Variants in PDE10A observed in about 807,000 individuals in gnomAD.
The protein encoded by PDE10A is cAMP and cAMP-inhibited cGMP 3',5'-cyclic phosphodiesterase 10A.
A neutral mutation model predicts 97.7 loss-of-function variants in PDE10A; 39 were observed. That is an observed-to-expected ratio of 0.40 (90% CI 0.31 to 0.52). PDE10A has a LOEUF of 0.52. PDE10A is among the 20% of genes least tolerant of loss of function. PDE10A has a pLI of 0.56. For synonymous variants in PDE10A, 371 were observed against 376.8 expected, an observed-to-expected ratio of 0.98 and a Z score of 0.18; for missense variants, 731 against 1,047.8, an observed-to-expected ratio of 0.70 and a Z score of 4.17.
intron 15 of PDE10A, among the ~76,000 whole-genome samples, chr6:165,393,946 C>T (rs927575250): frequency 2.0e-5 from 3 of 152,154 alleles, no homozygotes; most frequent in Non-Finnish European, 4.4e-5. Flanking sequence ...AATCAAATTA[C>T]TGACAAAGTA....
At chr6:165,770,702 T>A (rs186311402) in intron 1 of PDE10A, among the ~76,000 whole-genome samples, 7 of 152,324 alleles carry the variant, frequency 4.6e-5, no homozygotes, top group South Asian at 2.1e-4. Context: ...CCTCATCATC[T>A]CTGCTCTAAA....
chr6:165,664,547 A>T (rs564276636), upstream of PDE10A, among the ~76,000 whole-genome samples: 2 of 152,302 alleles, frequency 1.3e-5, no homozygotes, highest in Non-Finnish European at 2.9e-5. Flanking sequence ...CATTTGTGGA[A>T]GAAGAAAATG....
intron 1 of PDE10A, among the ~76,000 whole-genome samples, chr6:165,901,910 C>T (rs1782122038): frequency 6.6e-6 from 1 of 152,170 alleles, no homozygotes; most frequent in Non-Finnish European, 1.5e-5. Context: ...CAGACATTAG[C>T]TGATCTGATA....
intron 1 of PDE10A, among the ~76,000 whole-genome samples, chr6:165,606,935 C>G (rs1478030641): frequency 6.6e-6 from 1 of 152,100 alleles, no homozygotes; most frequent in Non-Finnish European, 1.5e-5. Context: ...TGAATAGGTT[C>G]ACTCTGGCAA....
At chr6:165,933,750 A>G (rs543849227) in intron 1 of PDE10A, among the ~76,000 whole-genome samples, 1 of 152,298 alleles carries the variant, frequency 6.6e-6, no homozygotes, top group Non-Finnish European at 1.5e-5. Flanking sequence ...GTACAGGAAA[A>G]GAAATTTATA....
At chr6:165,404,724 A>G (rs1362396278) in intron 13 of PDE10A, among the ~76,000 whole-genome samples, 3 of 152,184 alleles carry the variant, frequency 2.0e-5, no homozygotes. Flanking sequence ...CCCTCTACAA[A>G]TTGAGCTAAT....
At chr6:165,362,998 G>C (rs1433627067) in intron 18 of PDE10A, among the ~76,000 whole-genome samples, 4 of 151,500 alleles carry the variant, frequency 2.6e-5, no homozygotes, top group Non-Finnish European at 5.9e-5. Flanking sequence ...TAAAGCATAT[G>C]ACAAAATCCA....
intron 18 of PDE10A, among the ~76,000 whole-genome samples, chr6:165,376,024 C>A (rs1784584811): frequency 6.6e-6 from 1 of 152,188 alleles, no homozygotes; most frequent in African/African-American, 2.4e-5. Flanking sequence ...CATTTTCAAG[C>A]CTGTTCACAC....
intron 1 of PDE10A, among the ~76,000 whole-genome samples, chr6:165,911,692 G>C (rs1051860832): frequency 6.6e-6 from 1 of 152,204 alleles, no homozygotes; most frequent in Admixed American, 6.5e-5. Flanking sequence ...GGTATGGATG[G>C]CTCACCAGGT....
At chr6:165,591,612 G>A (rs1786273597) in intron 1 of PDE10A, among the ~76,000 whole-genome samples, 1 of 152,216 alleles carries the variant, frequency 6.6e-6, no homozygotes, top group African/African-American at 2.4e-5. Context: ...AAAAGGCAAT[G>A]TCAAGTTCAC....
chr6:165,826,145 T>C (rs1174374080), intron 1 of PDE10A, among the ~76,000 whole-genome samples: 1 of 152,186 alleles, frequency 6.6e-6, no homozygotes, highest in Non-Finnish European at 1.5e-5. Flanking sequence ...GGGATTGTAT[T>C]TCTTGATCAC....
chr6:165,369,193 C>A (rs929711651), intron 18 of PDE10A, among the ~76,000 whole-genome samples: 1 of 152,178 alleles, frequency 6.6e-6, no homozygotes, highest in African/African-American at 2.4e-5. Context: ...CAAAGGAACA[C>A]AGTTCCTCAC....
chr6:165,904,166 A>G (rs1383318586), intron 1 of PDE10A, among the ~76,000 whole-genome samples: 1 of 152,180 alleles, frequency 6.6e-6, no homozygotes, highest in Non-Finnish European at 1.5e-5. Flanking sequence ...GGCCAAATAT[A>G]AAGGGAATAA....
intron 1 of PDE10A, among the ~76,000 whole-genome samples, chr6:165,955,534 T>A (rs1176979114): frequency 6.6e-6 from 1 of 152,226 alleles, no homozygotes; most frequent in Non-Finnish European, 1.5e-5. Flanking sequence ...ACCATTCTGC[T>A]GTTCCCATTA....
chr6:165,601,927 A>C (rs1469274781), intron 1 of PDE10A, among the ~76,000 whole-genome samples: 3 of 152,232 alleles, frequency 2.0e-5, no homozygotes, highest in African/African-American at 7.2e-5. Context: ...GTTCTATGCC[A>C]GATGACAAAG....
At chr6:165,621,796 AT>A (rs1461283481) in intron 1 of PDE10A, among the ~76,000 whole-genome samples, 2 of 151,892 alleles carry the variant, frequency 1.3e-5, no homozygotes, top group Non-Finnish European at 2.9e-5. Flanking sequence ...GAAACACAGG[AT>A]TGACATAAAG....
chr6:165,652,745 G>A (rs2983527), intron 1 of PDE10A, among the ~76,000 whole-genome samples: 58,875 of 152,088 alleles, frequency 0.39, 11,846 homozygotes, highest in Middle Eastern at 0.51. Flanking sequence ...AACTTTTAAA[G>A]GGCCAAATAC....
At chr6:165,889,677 G>C (rs1201188428) in intron 1 of PDE10A, among the ~76,000 whole-genome samples, 1 of 152,064 alleles carries the variant, frequency 6.6e-6, no homozygotes, top group Non-Finnish European at 1.5e-5. Context: ...TCCTCCTTCT[G>C]TTTCCCCTCA....
Position 165,632,494 on chromosome 6 carries a change from T to C in PDE10A, c.865+29453A>G, listed in dbSNP as rs186665019. On this transcript the variant is annotated intron_variant, in intron 1 of 21. Transcript: ENST00000539869. The stretch of plus-strand genomic sequence containing the variant: ...CAACATCTTAGACTTCAGGGAATCA[T>C]TGTGAAATGCACTGTTTTGAGCATG... Among the ~76,000 whole-genome samples, 7 of 152,320 alleles carry C rather than the reference T, an allele frequency of 4.6e-5. No homozygotes were observed. The East Asian group carries it at 7.7e-4, about 17-fold the overall frequency.
Sources: gnomAD v4.1 joint callset for allele counts (sites outside exome capture counted in the v4.1 genomes callset) on GRCh38, gnomAD v4.1.1 for gene constraint, MANE v1.5 for transcripts, NCBI Gene and HGNC (gene_info 2026-07-23, HGNC 2026-07-21) for gene names.